PHLDB2: variants seen among roughly 807,000 people sequenced by gnomAD.
The protein encoded by PHLDB2 is pleckstrin homology like domain family B member 2, also known as pleckstrin homology-like domain family B member 2.
A neutral mutation model predicts 123.6 loss-of-function variants in PHLDB2; 71 were observed. The observed-to-expected ratio is 0.57, with a 90% CI of 0.47 to 0.70. The LOEUF is 0.70. Ranked by LOEUF, PHLDB2 falls within the 30% of genes least tolerant of loss-of-function variation. PHLDB2 has a pLI of 0.00. For synonymous variants in PHLDB2, 547 were observed against 541.6 expected (o/e 1.01, Z -0.14); for missense variants, 1,446 against 1,519.5 (o/e 0.95, Z 0.80).
At chr3:111,950,848 A>T (rs1489285629) in intron 10 of PHLDB2, among the ~76,000 whole-genome samples, 1 of 152,220 alleles carries the variant, frequency 6.6e-6, no homozygotes, top group East Asian at 1.9e-4. Context: ...TGAAAGGTGG[A>T]TGAAGTAAGT....
intron 1 of PHLDB2, among the ~76,000 whole-genome samples, chr3:111,871,809 A>C (rs1232501432): frequency 1.3e-5 from 2 of 152,346 alleles, no homozygotes; most frequent in Middle Eastern, 3.4e-3. Context: ...ATCTGATACA[A>C]ATGGAGCTGG....
chr3:111,968,723 C>A (rs1226451237), intron 15 of PHLDB2, among the ~76,000 whole-genome samples: 1 of 152,162 alleles, frequency 6.6e-6, no homozygotes, highest in Non-Finnish European at 1.5e-5. Context: ...CAAAGTACCA[C>A]ATAATCAAAC....
chr3:111,830,894 G>A, intron 1 of PHLDB2, among the ~76,000 whole-genome samples: 1 of 148,594 alleles, frequency 6.7e-6, no homozygotes, highest in Non-Finnish European at 1.5e-5. Context: ...GGATCTTAGG[G>A]GACTCATTAT....
chr3:111,745,429 A>T (rs572086038), intron 1 of PHLDB2, among the ~76,000 whole-genome samples: 2 of 152,306 alleles, frequency 1.3e-5, no homozygotes, highest in East Asian at 3.9e-4. Flanking sequence ...GTAGCTAATG[A>T]TATTATTCTC....
chr3:111,749,239 A>T (rs2059730130), intron 1 of PHLDB2, among the ~76,000 whole-genome samples: 1 of 152,176 alleles, frequency 6.6e-6, no homozygotes, highest in African/African-American at 2.4e-5. Context: ...TTCTTGAAAG[A>T]GATCTTAAAC....
intron 1 of PHLDB2, among the ~76,000 whole-genome samples, chr3:111,751,788 T>C (rs1267603144): frequency 1.3e-5 from 2 of 151,938 alleles, no homozygotes; most frequent in African/African-American, 4.8e-5. Flanking sequence ...TGTATACATA[T>C]GTAACAAACC....
intron 1 of PHLDB2, among the ~76,000 whole-genome samples, chr3:111,839,381 T>C (rs1191986493): frequency 1.3e-5 from 2 of 152,200 alleles, no homozygotes; most frequent in African/African-American, 4.8e-5. Context: ...AAAAATGCCC[T>C]TCTTGGAAGA....
In PHLDB2 at chr3:111,878,179, C is replaced by T. The variant is rs906828200; in HGVS notation, c.-14-5885C>T. On this transcript the variant is annotated intron_variant, in intron 1 of 17. Coordinates refer to ENST00000431670, the MANE Select transcript of PHLDB2 (RefSeq NM_001134438.2). ...TTTCACAATATTGATTATTCCTATC[C>T]GTTAGCATGGGATGTTTTTCCACTT... is the stretch of plus-strand genomic sequence containing the variant. Among the ~76,000 whole-genome samples the T allele has an allele frequency of 9.9e-5, 15 of 152,106 alleles. 1 individual carries two copies. The highest frequency in any genetic ancestry group is 2.0e-4 in the Admixed American group (3 of 15,278).
intron 8 of PHLDB2, among the ~76,000 whole-genome samples, chr3:111,942,770 C>G (rs1468752379): frequency 6.6e-6 from 1 of 150,924 alleles, no homozygotes; most frequent in Admixed American, 6.6e-5. Context: ...ACTGTCAGTT[C>G]AAGGTTAATG....
upstream of PHLDB2, chr3:111,859,225 TTCTTTCAGCTCTTAAA>T: frequency 1.0e-6 from 1 of 985,380 alleles, no homozygotes. Flanking sequence ...CCTCCCGCCC[TTCTTTCAGCTCTTAAA>T]AAAAGCCTGC....
intron 1 of PHLDB2, among the ~76,000 whole-genome samples, chr3:111,808,495 T>G (rs1214509390): frequency 7.8e-4 from 62 of 79,372 alleles, no homozygotes; most frequent in Non-Finnish European, 1.5e-3. Context: ...ATTCTGGGTT[T>G]TTTTTTTTTT....
Position 111,974,531 on chromosome 3 carries a change from G to A in PHLDB2, c.3730G>A (p.Gly1244Arg), listed in dbSNP as rs2072439919. 1 of 1,613,166 alleles carries A rather than the reference G, an allele frequency of 6.2e-7. No individual in the cohort carries two copies. Among genetic ancestry groups the A allele is most frequent in the African/African-American group, 1.3e-5 (1 of 74,872 alleles). Residue 1244 changes from glycine (G) to arginine (R), a missense_variant, in exon 18 of 18, where the codon GGG becomes AGG. By Grantham distance (125) the Gly-to-Arg change is moderately radical. Coordinates refer to ENST00000431670, the MANE Select transcript of PHLDB2 (RefSeq NM_001134438.2). ...MRIWMDVIVT[G>R]AEGYTHFLL ...GATCTGGATGGATGTTATAGTTACG[G>A]GGGCAGAAGGTTACACTCACTTCTT...
chr3:111,846,037 G>A, intron 2 of PHLDB2: 2 of 1,199,424 alleles, frequency 1.7e-6, no homozygotes, highest in Non-Finnish European at 1.2e-6. Flanking sequence ...ATACCCAGGA[G>A]TCCAGCAATC....
chr3:111,762,943 TGAGAA>T (rs1275339596), intron 1 of PHLDB2, among the ~76,000 whole-genome samples: 1 of 152,064 alleles, frequency 6.6e-6, no homozygotes, highest in Non-Finnish European at 1.5e-5. Context: ...GACTAAGAAG[TGAGAA>T]GAGAAATGGA....
intron 1 of PHLDB2, among the ~76,000 whole-genome samples, chr3:111,829,755 C>T (rs906149090): frequency 1.3e-5 from 2 of 152,086 alleles, no homozygotes; most frequent in African/African-American, 4.8e-5. Flanking sequence ...AGCCACCGCG[C>T]CCGACCAACA....
At position 111,884,133 on chromosome 3, in the gene PHLDB2, A is replaced by G; in HGVS notation, c.56A>G (p.Glu19Gly). 1 of 1,614,144 alleles carries G rather than the reference A, an allele frequency of 6.2e-7. No homozygotes were observed. The highest frequency in any genetic ancestry group is 8.5e-7 in the Non-Finnish European group (1 of 1,179,970). The change falls in exon 2 of 18, where the codon GAG (glutamate) becomes GGG (glycine). Residue 19 changes from glutamate to glycine, a missense_variant. By Grantham distance (98) the Glu-to-Gly change is moderately conservative (BLOSUM62 -2). Coordinates refer to ENST00000431670, the MANE Select transcript of PHLDB2 (RefSeq NM_001134438.2). ...KELDLQNGSLEEDSVVHSVEN... is the reference protein window; with the variant it reads ...KELDLQNGSLGEDSVVHSVEN... The stretch of plus-strand genomic sequence containing the variant: ...CTAGATTTACAAAATGGTAGCTTAG[A>G]GGAAGACTCTGTGGTGCATTCTGTT...
At chr3:111,918,208 C>T (rs1385922425) in intron 3 of PHLDB2, among the ~76,000 whole-genome samples, 1 of 152,194 alleles carries the variant, frequency 6.6e-6, no homozygotes, top group Non-Finnish European at 1.5e-5. Flanking sequence ...GTGTGATCTA[C>T]AATATTGCCT....
chr3:111,864,831 C>T (rs574906818), intron 1 of PHLDB2, among the ~76,000 whole-genome samples: 21 of 152,320 alleles, frequency 1.4e-4, no homozygotes, highest in South Asian at 1.2e-3. Context: ...CACTGTTTAT[C>T]GATGGCCTTA....
intron 3 of PHLDB2, 46 bp downstream of exon 3, chr3:111,913,748 G>A (rs1366867031): frequency 7.4e-6 from 11 of 1,496,064 alleles, no homozygotes; most frequent in Non-Finnish European, 1.0e-5. Context: ...GTCTAGGGCT[G>A]TGCATATGCT....
Sources: allele counts gnomAD v4.1 joint callset (sites outside exome capture counted in the v4.1 genomes callset), GRCh38; gene constraint gnomAD v4.1.1; transcripts MANE v1.5; gene names NCBI Gene and HGNC (gene_info 2026-07-23, HGNC 2026-07-21).